The following RFT1 variants were observed in gnomAD, a reference collection of about 807,000 sequenced individuals.
The protein encoded by RFT1 is RFT1 glycolipid translocator homolog, also known as man(5)GlcNAc(2)-PP-dolichol translocation protein RFT1.
In RFT1, 43 loss-of-function variants were observed where a neutral mutation model predicts 62.2. The observed-to-expected ratio is 0.69, with a 90% CI of 0.54 to 0.89. The LOEUF (loss-of-function observed/expected upper bound fraction) is 0.89, where lower values mean the gene tolerates loss of function less well. RFT1 is among the 40% of genes least tolerant of loss of function. RFT1 has a pLI of 0.00. For missense variants in RFT1, 605 were observed against 649.9 expected, an observed-to-expected ratio of 0.93 and a Z score of 0.75; for synonymous variants, 262 against 264.6, an observed-to-expected ratio of 0.99 and a Z score of 0.10.
chr3:53,080,575 G>A, the RFT1 span, among the ~76,000 whole-genome samples: 1 of 152,196 alleles, frequency 6.6e-6, no homozygotes, highest in Admixed American at 6.5e-5. Flanking sequence ...GCAGTAGTGG[G>A]GAAACAAACG....
At chr3:53,080,610 T>C in the RFT1 span, among the ~76,000 whole-genome samples, 12 of 152,202 alleles carry the variant, frequency 7.9e-5, no homozygotes, top group African/African-American at 2.9e-4. Context: ...AGTCCCTCTG[T>C]AACCTTGTGT....
intron 11 of RFT1, among the ~76,000 whole-genome samples, chr3:53,093,790 G>A (rs1472076438): frequency 6.6e-6 from 1 of 152,208 alleles, no homozygotes; most frequent in African/African-American, 2.4e-5. Context: ...GGAGGTTGAA[G>A]CGGGAGGATC....
At chr3:53,067,635 C>A in the RFT1 span, among the ~76,000 whole-genome samples, 2 of 152,030 alleles carry the variant, frequency 1.3e-5, no homozygotes, top group Admixed American at 1.3e-4. Flanking sequence ...TGTAGTGTAC[C>A]GAATGTAAGT....
chr3:53,104,279 G>A (rs543056586), intron 9 of RFT1, among the ~76,000 whole-genome samples, 182 bp from the exon 10 acceptor site: 12 of 152,310 alleles, frequency 7.9e-5, no homozygotes, highest in African/African-American at 2.6e-4. Flanking sequence ...AGGAAAAAGT[G>A]TGTGTCTCCT....
chr3:53,127,700 G>A (rs1702146439), intron 1 of RFT1, among the ~76,000 whole-genome samples: 1 of 151,514 alleles, frequency 6.6e-6, no homozygotes, highest in Non-Finnish European at 1.5e-5. Context: ...TTGGGAGGCT[G>A]AAAGGTAGGA....
At chr3:53,114,132 T>C (rs1701728564) in intron 6 of RFT1, among the ~76,000 whole-genome samples, 1 of 152,190 alleles carries the variant, frequency 6.6e-6, no homozygotes, top group Non-Finnish European at 1.5e-5. Flanking sequence ...CCACGTCATC[T>C]TCAGACTTGG....
chr3:53,101,086 T>TG (rs1257434704), intron 10 of RFT1, among the ~76,000 whole-genome samples: 1 of 152,188 alleles, frequency 6.6e-6, no homozygotes, highest in Non-Finnish European at 1.5e-5. Flanking sequence ...CTCCATGCTG[T>TG]GGGACCCCTA....
At chr3:53,105,899 T>C (rs961261141) in intron 8 of RFT1, 96 bp from the exon 9 acceptor site, 26 of 1,183,612 alleles carry the variant, frequency 2.2e-5, no homozygotes, top group Non-Finnish European at 3.1e-5. Flanking sequence ...CATTAAAGTT[T>C]GTTTATCTTG....
intron 9 of RFT1, 103 bp downstream of exon 9, chr3:53,105,570 A>G (rs1423516165): frequency 7.2e-7 from 1 of 1,394,886 alleles, no homozygotes; most frequent in African/African-American, 1.4e-5. Context: ...TCTATAAGAA[A>G]ATTCCTGATC....
At chr3:53,129,514 G>A (rs1200227326) in intron 1 of RFT1, among the ~76,000 whole-genome samples, 1 of 151,968 alleles carries the variant, frequency 6.6e-6, no homozygotes, top group African/African-American at 2.4e-5. Context: ...GGGTAGATTC[G>A]GGACTTGTGT....
At chr3:53,127,629 G>C (rs377130195) in intron 1 of RFT1, among the ~76,000 whole-genome samples, 11 of 151,208 alleles carry the variant, frequency 7.3e-5, no homozygotes, top group African/African-American at 2.2e-4. Flanking sequence ...GTGAAGCCTG[G>C]GCGACAGAGC....
At position 53,121,752 on chromosome 3, in the gene RFT1, A is replaced by G; in HGVS notation, c.505T>C (p.Phe169Leu). ...CAGTGAGGCAACCACAGCACGAGAA[A>G]AGCTGTCAGAACGCTCTTAAGAATT... The part of the protein sequence containing the change: ...SVILKSVLTA[F>L]LVLWLPHWGL... The change falls in exon 5 of 13, where the codon TTT (phenylalanine) becomes CTT (leucine). Residue 169 changes from phenylalanine (F) to leucine (L), a missense_variant. Transcript: ENST00000296292. 1 of 1,614,110 alleles carries G rather than the reference A, an allele frequency of 6.2e-7. No individual in the cohort carries two copies. Among genetic ancestry groups the G allele is most frequent in the Non-Finnish European group, 8.5e-7 (1 of 1,179,968 alleles).
At chr3:53,108,990 C>CA (rs1701572541) in intron 7 of RFT1, among the ~76,000 whole-genome samples, 1 of 152,118 alleles carries the variant, frequency 6.6e-6, no homozygotes, top group Middle Eastern at 3.2e-3. Flanking sequence ...TTAATGTTTG[C>CA]AAAAAGTCCA....
At chr3:53,088,009 C>T (rs1469959088), downstream of RFT1, among the ~76,000 whole-genome samples, 1 of 152,134 alleles carries the variant, frequency 6.6e-6, no homozygotes, top group Non-Finnish European at 1.5e-5. Flanking sequence ...CTGGAAATAA[C>T]AGTCTTTGAA....
At position 53,121,716 on chromosome 3, in the gene RFT1, T is replaced by C. The variant is rs771804132; in HGVS notation, c.541A>G (p.Ile181Val). 20 of 1,613,292 alleles carry C rather than the reference T, an allele frequency of 1.2e-5. No homozygotes were observed. In the South Asian group the frequency reaches 1.3e-4, roughly 11 times the overall value. ...VLWLPHWGLY[I>V]FSLAQLFYTT... ...ATTCTTACCTGGGCCAAAGAGAAAATGTACAATCCCCAGTGAGGCAACCAC... is the reference window on the plus strand; with the variant it reads ...ATTCTTACCTGGGCCAAAGAGAAAACGTACAATCCCCAGTGAGGCAACCAC... The change falls in exon 5 of 13, where the codon ATT becomes GTT. Residue 181 changes from isoleucine (I) to valine (V), a missense_variant. Physicochemically the swap from Ile to Val is conservative, Grantham distance 29. Transcript: ENST00000296292.
intron 11 of RFT1, among the ~76,000 whole-genome samples, chr3:53,098,619 G>A (rs563321202): frequency 3.3e-5 from 5 of 151,920 alleles, no homozygotes; most frequent in Admixed American, 6.6e-5. Context: ...TGGCTGACAC[G>A]GTGAAACCCC....
chr3:53,079,939 G>A, the RFT1 span, among the ~76,000 whole-genome samples: 3 of 152,088 alleles, frequency 2.0e-5, no homozygotes, highest in Non-Finnish European at 4.4e-5. Flanking sequence ...AGGCCATGTG[G>A]GGGTGCAGGG....
At chr3:53,105,015 A>G (rs1701424294) in intron 9 of RFT1, among the ~76,000 whole-genome samples, 1 of 152,156 alleles carries the variant, frequency 6.6e-6, no homozygotes, top group South Asian at 2.1e-4. Context: ...GGCTCTTGAG[A>G]CTCTGAGGAT....
At chr3:53,068,779 T>C in the RFT1 span, among the ~76,000 whole-genome samples, 1 of 152,228 alleles carries the variant, frequency 6.6e-6, no homozygotes, top group Non-Finnish European at 1.5e-5. Context: ...GGATTTTTTT[T>C]TACTTTACAA....
Sources: allele counts gnomAD v4.1 joint callset (sites outside exome capture counted in the v4.1 genomes callset), GRCh38; gene constraint gnomAD v4.1.1; transcripts MANE v1.5; gene names NCBI Gene and HGNC (gene_info 2026-07-23, HGNC 2026-07-21).